XYLT1: variants seen among roughly 807,000 people sequenced by gnomAD.
The protein encoded by XYLT1 is beta-D-xylosyltransferase 1.
XYLT1 carries 36 observed loss-of-function variants against 91.3 expected under a neutral mutation model. The observed-to-expected ratio is 0.39, with a 90% CI of 0.30 to 0.52. The LOEUF (loss-of-function observed/expected upper bound fraction) is 0.52. Ranked by LOEUF, XYLT1 falls within the 20% of genes least tolerant of loss-of-function variation. XYLT1 has a pLI of 0.68. For missense variants in XYLT1, 1,242 were observed against 1,284.5 expected, an observed-to-expected ratio of 0.97 and a Z score of 0.51; for synonymous variants, 588 against 532.0, an observed-to-expected ratio of 1.11 and a Z score of -1.45.
In XYLT1 at chr16:17,124,195, G is replaced by C. The variant is rs1006576669; in HGVS notation, c.2223+3471C>G. Reference sequence around the variant, plus strand: ...ATTTGTTGCCTGAATACCTTGGTTTGTTTCATTGTGTTGTTTTGCAGGACC... The same window carrying C: ...ATTTGTTGCCTGAATACCTTGGTTTCTTTCATTGTGTTGTTTTGCAGGACC... On this transcript the variant is annotated intron_variant, in intron 10 of 11. Transcript: ENST00000261381. 3.9e-5 allele frequency among the ~76,000 whole-genome samples: 6 copies of C among 152,092 alleles called. No individual in the cohort carries two copies. The South Asian group carries it at 1.2e-3, about 31-fold the overall frequency.
At chr16:17,420,429 T>C (rs767180512) in intron 1 of XYLT1, among the ~76,000 whole-genome samples, 1 of 152,192 alleles carries the variant, frequency 6.6e-6, no homozygotes, top group Non-Finnish European at 1.5e-5. Context: ...TTGCATTGTT[T>C]CATACCTAAA....
chr16:17,304,621 A>G (rs1006533095), intron 2 of XYLT1, among the ~76,000 whole-genome samples: 6 of 152,192 alleles, frequency 3.9e-5, no homozygotes, highest in African/African-American at 1.4e-4. Context: ...CAAAAGCGTC[A>G]TATGTCAACA....
chr16:17,364,599 T>C (rs967668799), intron 1 of XYLT1, among the ~76,000 whole-genome samples: 7 of 152,362 alleles, frequency 4.6e-5, no homozygotes, highest in African/African-American at 1.7e-4. Context: ...CTATGTCACG[T>C]GACGGCAGTG....
At chr16:17,143,646 A>G (rs1294788095) in intron 6 of XYLT1, among the ~76,000 whole-genome samples, 1 of 152,158 alleles carries the variant, frequency 6.6e-6, no homozygotes, top group Non-Finnish European at 1.5e-5. Flanking sequence ...AGTGAACTTC[A>G]CTTCATCGAT....
Position 17,343,501 on chromosome 16 carries a change from C to T in XYLT1, c.402+14511G>A, listed in dbSNP as rs1436041502. 4.6e-5 allele frequency among the ~76,000 whole-genome samples: 7 copies of T among 152,178 alleles called. No individual in the cohort carries two copies. The East Asian group carries it at 1.4e-3, about 29-fold the overall frequency. ...AAAAGAATAATTTGAGACAGGATCT[C>T]GCTCTATCACCCAGGCTGGAGTGCA... is the stretch of plus-strand genomic sequence containing the variant. On this transcript the variant is annotated intron_variant, in intron 2 of 11. Coordinates refer to ENST00000261381, the MANE Select transcript of XYLT1 (RefSeq NM_022166.4).
At chr16:17,110,086 C>T (rs1966832571) in intron 11 of XYLT1, among the ~76,000 whole-genome samples, 1 of 152,170 alleles carries the variant, frequency 6.6e-6, no homozygotes, top group South Asian at 2.1e-4. Context: ...GTTTTGCAGC[C>T]CCACGTCCAA....
At chr16:17,116,002 A>T (rs1164827425) in intron 11 of XYLT1, among the ~76,000 whole-genome samples, 2 of 142,028 alleles carry the variant, frequency 1.4e-5, no homozygotes, top group Non-Finnish European at 3.1e-5. Context: ...AAAAAAAGCA[A>T]TCTTACAGTA....
chr16:17,342,950 C>A (rs1285400448), intron 2 of XYLT1, among the ~76,000 whole-genome samples: 1 of 152,132 alleles, frequency 6.6e-6, no homozygotes, highest in African/African-American at 2.4e-5. Context: ...AAAAAAACTT[C>A]GAGTCCCTAA....
chr16:17,409,429 C>A (rs954191862), intron 1 of XYLT1, among the ~76,000 whole-genome samples: 2 of 152,008 alleles, frequency 1.3e-5, no homozygotes, highest in Non-Finnish European at 2.9e-5. Context: ...TAATATTGAT[C>A]TTGAACCACA....
Position 17,102,291 on chromosome 16 carries a change from A to C in XYLT1, c.*6404T>G, listed in dbSNP as rs1001747043. On this transcript the variant is annotated 3_prime_UTR_variant, in exon 12 of 12. Coordinates refer to ENST00000261381, the MANE Select transcript of XYLT1 (RefSeq NM_022166.4). ...ATATGAGATTGTGTAAAGATGCACA[A>C]TGTTGCTGAAAAGAAGCCACATATA... 6.6e-6 allele frequency: 1 copy of C among 152,664 alleles called. No individual in the cohort carries two copies. 9.5% of individuals were successfully genotyped at this position (152,664 alleles called of 1,614,324 possible).
At chr16:17,338,064 G>A (rs912134460) in intron 2 of XYLT1, 7 of 397,244 alleles carry the variant, frequency 1.8e-5, no homozygotes, top group East Asian at 7.2e-5. Flanking sequence ...CACCGCACCC[G>A]GCCCCCGTTC....
At chr16:17,362,615 A>C (rs2035399370) in intron 1 of XYLT1, among the ~76,000 whole-genome samples, 1 of 152,258 alleles carries the variant, frequency 6.6e-6, no homozygotes, top group Non-Finnish European at 1.5e-5. Context: ...TAATTTTAAC[A>C]AGCAATTAAG....
chr16:17,399,232 G>A (rs1232744381), intron 1 of XYLT1, among the ~76,000 whole-genome samples: 1 of 152,100 alleles, frequency 6.6e-6, no homozygotes, highest in East Asian at 1.9e-4. Context: ...AAGTCACTGG[G>A]AAGCATGGCA....
rs73527419 is a variant in XYLT1 at position 17,428,707 on chromosome 16, A to G, written c.363+41727T>C. Among the ~76,000 whole-genome samples, 313 of 152,298 alleles carry G rather than the reference A, an allele frequency of 2.1e-3. 1 individual carries two copies. Among genetic ancestry groups the G allele is most frequent in the African/African-American group, 7.3e-3 (303 of 41,566 alleles). On this transcript the variant is annotated intron_variant, in intron 1 of 11. Transcript: ENST00000261381. ...CCCCTTGCCGCCAGGGGTTTCGGGA[A>G]GCTTTCGGCCGTGTGGTAGTTTTCC...
chr16:17,298,187 T>C (rs2034341416), intron 2 of XYLT1, among the ~76,000 whole-genome samples: 1 of 151,712 alleles, frequency 6.6e-6, no homozygotes. Context: ...TCAAAATGAG[T>C]GTAAAATCGG....
chr16:17,384,435 T>G (rs951020789), intron 1 of XYLT1, among the ~76,000 whole-genome samples: 1 of 151,900 alleles, frequency 6.6e-6, no homozygotes, highest in Non-Finnish European at 1.5e-5. Flanking sequence ...CTGACTCTTA[T>G]ATATTTTGTT....
At chr16:17,433,652 C>T (rs1180691195) in intron 1 of XYLT1, among the ~76,000 whole-genome samples, 1 of 152,158 alleles carries the variant, frequency 6.6e-6, no homozygotes, top group Non-Finnish European at 1.5e-5. Flanking sequence ...GGTAGTTGAG[C>T]CTACCAGGTA....
intron 6 of XYLT1, among the ~76,000 whole-genome samples, chr16:17,146,673 G>A (rs752172033): frequency 1.3e-5 from 2 of 152,122 alleles, no homozygotes; most frequent in Non-Finnish European, 1.5e-5. Flanking sequence ...ATAAGCCATC[G>A]GTCCAGTCAC....
chr16:17,337,004 C>T (rs929721306), intron 2 of XYLT1, among the ~76,000 whole-genome samples: 2 of 152,148 alleles, frequency 1.3e-5, no homozygotes, highest in Admixed American at 6.6e-5. Flanking sequence ...TTTGTAAGAT[C>T]GTATGTAACC....
Sources: gnomAD v4.1 joint callset for allele counts (sites outside exome capture counted in the v4.1 genomes callset) on GRCh38, gnomAD v4.1.1 for gene constraint, MANE v1.5 for transcripts, NCBI Gene and HGNC (gene_info 2026-07-23, HGNC 2026-07-21) for gene names.